Variants in FNTB observed in about 807,000 individuals in gnomAD.
FNTB encodes protein farnesyltransferase subunit beta.
In FNTB, 27 loss-of-function variants were observed where a neutral mutation model predicts 59.4. That is an observed-to-expected ratio of 0.45 (90% confidence interval 0.34 to 0.63). The LOEUF (loss-of-function observed/expected upper bound fraction) is 0.63. FNTB is among the 20% of genes least tolerant of loss of function. FNTB has a pLI of 0.02. For missense variants in FNTB, 449 were observed against 559.6 expected, an observed-to-expected ratio of 0.80 and a Z score of 1.99; for synonymous variants, 230 against 220.7, an observed-to-expected ratio of 1.04 and a Z score of -0.37.
At position 65,027,797 on chromosome 14, in the gene FNTB, C is replaced by T; in HGVS notation, c.605+16C>T. On this transcript the variant is annotated intron_variant, in intron 6 of 11. Coordinates refer to ENST00000246166, the MANE Select transcript of FNTB (RefSeq NM_002028.4). This position sits in a 1 kb window ranked among gnomAD's most constrained non-coding sequence, Gnocchi z 5.7. ...TGGATGTGAGGTGAGTGGGGTTTTG[C>T]ACAGGCTGCCACATCAGTTGACTCT... 6.2e-7 allele frequency: 1 copy of T among 1,613,872 alleles called. No individual in the cohort carries two copies. The highest frequency in any genetic ancestry group is 1.3e-5 in the African/African-American group (1 of 74,994).
intron 1 of FNTB, among the ~76,000 whole-genome samples, chr14:65,000,019 A>G (rs1276745157): frequency 6.6e-6 from 1 of 152,248 alleles, no homozygotes; most frequent in Non-Finnish European, 1.5e-5. Context: ...CTTTCCCGCA[A>G]GAAAGCTGAA....
At chr14:65,019,985 ATATTAAGG>A (rs2061855667) in intron 4 of FNTB, among the ~76,000 whole-genome samples, 1 of 152,208 alleles carries the variant, frequency 6.6e-6, no homozygotes, top group African/African-American at 2.4e-5. Context: ...TCATACAAAT[ATATTAAGG>A]TGACCTAGAG....
At chr14:65,006,613 C>T (rs556819474) in intron 2 of FNTB, among the ~76,000 whole-genome samples, 40 of 152,126 alleles carry the variant, frequency 2.6e-4, no homozygotes, top group Admixed American at 7.9e-4. Context: ...TGTGGTTGTA[C>T]CCCCGATGAC....
intron 7 of FNTB, among the ~76,000 whole-genome samples, chr14:65,038,663 A>G (rs1455564665): frequency 1.3e-5 from 2 of 152,220 alleles, no homozygotes; most frequent in Non-Finnish European, 2.9e-5. Flanking sequence ...GGTTGCAGTG[A>G]GCCAAGATTG....
Position 65,012,462 on chromosome 14 carries a change from A to G in FNTB, c.282+73A>G. The G allele has an allele frequency of 1.9e-6, 3 of 1,590,204 alleles. No individual in the cohort carries two copies. Among genetic ancestry groups the G allele is most frequent in the Non-Finnish European group, 2.6e-6 (3 of 1,162,930 alleles). ...CCTCCTCCTTTTTCTATTTAAACGT[A>G]AAAGACTGTTGGGGCTGACCTGTTG... On this transcript the variant is annotated intron_variant, in intron 3 of 11. Transcript: ENST00000246166. The surrounding 1 kb of genome is among the most constrained non-coding windows in gnomAD (Gnocchi z 5.0).
At chr14:64,999,162 G>T (rs138768177) in intron 1 of FNTB, among the ~76,000 whole-genome samples, 1 of 152,316 alleles carries the variant, frequency 6.6e-6, no homozygotes, top group South Asian at 2.1e-4. Context: ...AGTGGACCAG[G>T]CATGGTGGCT....
chr14:65,037,737 ATTTATTAT>A lies in FNTB; in HGVS notation c.693-3050_693-3043del, dbSNP rs1447978516. Among the ~76,000 whole-genome samples, 148 of 74,390 alleles carry A rather than the reference ATTTATTAT, an allele frequency of 2.0e-3. 1 individual carries two copies. The highest frequency in any genetic ancestry group is 0.014 in the South Asian group (31 of 2,150). The allele number at this position is 74,390 out of a possible 152,430, so 48.8% of individuals were successfully genotyped here. The stretch of plus-strand genomic sequence containing the variant: ...ACCATGCCCAGCCTCTTATTTATTT[ATTTATTAT>A]TTATTTATTTATTTATTTATTTATT... On this transcript the variant is annotated intron_variant, in intron 7 of 11. Coordinates refer to ENST00000246166, the MANE Select transcript of FNTB (RefSeq NM_002028.4).
rs1328217467 is a variant in FNTB at position 65,054,878 on chromosome 14, T to C, written c.1182+189T>C. ...AGAGGAGACGCACCTCTGGGCAAGC[T>C]CAGGGTTCCAGATGGGCGGTCTGAT... On this transcript the variant is annotated intron_variant, in intron 11 of 11. Transcript: ENST00000246166. The surrounding 1 kb of genome is among the most constrained non-coding windows in gnomAD (Gnocchi z 4.4). Among the ~76,000 whole-genome samples, 1 of 152,222 alleles carries C rather than the reference T, an allele frequency of 6.6e-6. No homozygotes were observed.
In FNTB at chr14:64,990,326, T is replaced by A. The variant is rs1888145736; in HGVS notation, c.144+3229T>A. Reference sequence around the variant, plus strand: ...CCCTGCACTGACAGGTTGCCTTGCTTTATGGCTGCGGGCCATGGGAAGTAT... The same window carrying A: ...CCCTGCACTGACAGGTTGCCTTGCTATATGGCTGCGGGCCATGGGAAGTAT... On this transcript the variant is annotated intron_variant, in intron 1 of 11. Transcript: ENST00000246166. This position sits in a 1 kb window ranked among gnomAD's most constrained non-coding sequence, Gnocchi z 5.2. Among the ~76,000 whole-genome samples the A allele has an allele frequency of 6.6e-6, 1 of 152,182 alleles. No individual in the cohort carries two copies. The highest frequency in any genetic ancestry group is 2.4e-5 in the African/African-American group (1 of 41,454).
chr14:65,056,596 A>C (rs960781836), intron 11 of FNTB, among the ~76,000 whole-genome samples: 22 of 152,174 alleles, frequency 1.4e-4, no homozygotes, highest in African/African-American at 4.8e-4. Context: ...GAATATTTTC[A>C]AATGTTTGTT....
At position 65,004,253 on chromosome 14, in the gene FNTB, A is replaced by G; in HGVS notation, c.149A>G (p.Lys50Arg). The G allele has an allele frequency of 6.2e-7, 1 of 1,613,582 alleles. No individual in the cohort carries two copies. Among genetic ancestry groups the G allele is most frequent in the Non-Finnish European group, 8.5e-7 (1 of 1,179,666 alleles). ...VETVTSIEQA[K>R]VEEKIQEVFS... ...TATCTCCTGCATCCTTACCAGGCAA[A>G]AGTAGAAGAAAAGATCCAAGAGGTC... The change falls in exon 2 of 12, where the codon AAA becomes AGA. Residue 50 changes from lysine to arginine, a missense_variant. Physicochemically the swap from Lys to Arg is conservative, Grantham distance 26. Around this residue, in one of 2 missense-constraint regions of FNTB, gnomAD observed 112 missense variants for 80.5 expected, o/e 1.39. Coordinates refer to ENST00000246166, the MANE Select transcript of FNTB (RefSeq NM_002028.4).
In FNTB at chr14:65,033,862, A is replaced by C. The variant is rs537725024; in HGVS notation, c.692+1166A>C. On this transcript the variant is annotated intron_variant, in intron 7 of 11. Coordinates refer to ENST00000246166, the MANE Select transcript of FNTB (RefSeq NM_002028.4). Reference sequence around the variant, plus strand: ...ACAGGGCGAGACTCCATCTCAAAAAAAGAAGCAAAAGGTATAGTAGACACA... The same window carrying C: ...ACAGGGCGAGACTCCATCTCAAAAACAGAAGCAAAAGGTATAGTAGACACA... 2.6e-5 allele frequency among the ~76,000 whole-genome samples: 4 copies of C among 152,370 alleles called. No homozygotes were observed. The East Asian group carries it at 7.7e-4, about 29-fold the overall frequency.
intron 4 of FNTB, among the ~76,000 whole-genome samples, chr14:65,022,994 A>G (rs2061916211): frequency 1.3e-5 from 2 of 151,918 alleles, no homozygotes; most frequent in African/African-American, 4.8e-5. Context: ...ATTTTGTATT[A>G]TATGCTTATT....
At chr14:64,999,957 G>A (rs77567418) in intron 1 of FNTB, among the ~76,000 whole-genome samples, 2,761 of 152,262 alleles carry the variant, frequency 0.018, 49 homozygotes, top group African/African-American at 0.04. Context: ...GTTTTTGTCA[G>A]GTGTCTTAGC....
chr14:65,042,811 G>A (rs2062382025), intron 8 of FNTB, among the ~76,000 whole-genome samples: 1 of 152,202 alleles, frequency 6.6e-6, no homozygotes, highest in Non-Finnish European at 1.5e-5. Context: ...GACTCCCACT[G>A]CAGCGCCTGC....
At chr14:65,056,901 A>ATGGCTC (rs2062748884) in intron 11 of FNTB, among the ~76,000 whole-genome samples, 1 of 152,220 alleles carries the variant, frequency 6.6e-6, no homozygotes, top group South Asian at 2.1e-4. Flanking sequence ...ATTCAAGGGC[A>ATGGCTC]TGGCTCTGGC....
intron 9 of FNTB, among the ~76,000 whole-genome samples, chr14:65,051,007 TGTGCTTACAG>T (rs1468511666): frequency 1.3e-5 from 2 of 152,250 alleles, no homozygotes; most frequent in Non-Finnish European, 2.9e-5. Flanking sequence ...CAAAGTTCAC[TGTGCTTACAG>T]GTGAGGAAAA....
Position 65,001,416 on chromosome 14 carries a change from T to C in FNTB, c.145-2833T>C, listed in dbSNP as rs1888595419. Among the ~76,000 whole-genome samples the C allele has an allele frequency of 6.6e-6, 1 of 152,204 alleles. No individual in the cohort carries two copies. Among genetic ancestry groups the C allele is most frequent in the South Asian group, 2.1e-4 (1 of 4,832 alleles). On this transcript the variant is annotated intron_variant, in intron 1 of 11. Coordinates refer to ENST00000246166, the MANE Select transcript of FNTB (RefSeq NM_002028.4). This position sits in a 1 kb window ranked among gnomAD's most constrained non-coding sequence, Gnocchi z 5.5. ...GCAGTAGGCCACACTATACAGCCTATGCGTGTGGTAGGCTATACCACCCAG... is the reference window on the plus strand; with the variant it reads ...GCAGTAGGCCACACTATACAGCCTACGCGTGTGGTAGGCTATACCACCCAG...
intron 4 of FNTB, among the ~76,000 whole-genome samples, chr14:65,025,612 C>G (rs1201013200): frequency 6.6e-6 from 1 of 151,964 alleles, no homozygotes; most frequent in African/African-American, 2.4e-5. Flanking sequence ...CCCAGGAGTT[C>G]AAGACTAGCC....
Sources: gnomAD v4.1 joint callset for allele counts (sites outside exome capture counted in the v4.1 genomes callset) on GRCh38, gnomAD v4.1.1 for gene constraint, gnomAD v4.1.1 regional missense constraint, Gnocchi (gnomAD v3.1) non-coding constraint, MANE v1.5 for transcripts, NCBI Gene and HGNC (gene_info 2026-07-23, HGNC 2026-07-21) for gene names.